Variants in ANO4 observed in about 807,000 individuals in gnomAD.
The protein encoded by ANO4 is anoctamin-4.
In ANO4, 69 loss-of-function variants were observed where a neutral mutation model predicts 141.9. That is an observed-to-expected ratio of 0.49 (90% CI 0.40 to 0.59). The LOEUF (loss-of-function observed/expected upper bound fraction) is 0.59. ANO4 is among the 20% of genes least tolerant of loss of function. ANO4 has a pLI of 0.00. For synonymous variants in ANO4, 350 were observed against 394.3 expected (o/e 0.89, Z 1.33); for missense variants, 894 against 1,162.2 (o/e 0.77, Z 3.36).
intron 1 of ANO4, among the ~76,000 whole-genome samples, chr12:100,808,496 A>T (rs2035199344): frequency 6.6e-6 from 1 of 152,152 alleles, no homozygotes; most frequent in Admixed American, 6.5e-5. Flanking sequence ...ATTTTTTATG[A>T]TACTGACCCA....
upstream of ANO4, among the ~76,000 whole-genome samples, chr12:100,790,422 T>A (rs188315330): frequency 3.1e-4 from 47 of 152,308 alleles, 1 homozygote; most frequent in Admixed American, 1.4e-3. Flanking sequence ...AAAGAAAGAA[T>A]TGGTTGCAGC....
At chr12:100,890,448 A>G (rs890756437) in intron 1 of ANO4, among the ~76,000 whole-genome samples, 1 of 152,218 alleles carries the variant, frequency 6.6e-6, no homozygotes, top group Non-Finnish European at 1.5e-5. Context: ...TCCTATTTTT[A>G]AGTAGTAAGA....
At chr12:101,082,875 A>C (rs1006842585) in intron 15 of ANO4, among the ~76,000 whole-genome samples, 3 of 152,160 alleles carry the variant, frequency 2.0e-5, no homozygotes, top group Non-Finnish European at 4.4e-5. Flanking sequence ...ATCCTCTCCC[A>C]ACACTCTCAA....
intron 23 of ANO4, 117 bp downstream of exon 23, chr12:101,110,673 A>G (rs2050628819): frequency 1.1e-6 from 1 of 912,942 alleles, no homozygotes; most frequent in Non-Finnish European, 1.5e-6. Flanking sequence ...AATTCACCTA[A>G]TTTTTGCAAA....
chr12:101,040,014 A>G lies in ANO4; in HGVS notation c.957A>G (p.Leu319=). 1.9e-6 allele frequency: 3 copies of G among 1,613,586 alleles called. No homozygotes were observed. Among genetic ancestry groups the G allele is most frequent in the Non-Finnish European group, 2.5e-6 (3 of 1,179,574 alleles). ...RTHGAENHRH[L]LYECWASWGV... Reference sequence around the variant, plus strand: ...ATGGAGCAGAAAACCACCGACATCTACTCTATGAGTGCTGGGCCTCCTGGG... The same window carrying G: ...ATGGAGCAGAAAACCACCGACATCTGCTCTATGAGTGCTGGGCCTCCTGGG... The change falls in exon 11 of 28, where the codon CTA becomes CTG. Residue 319 remains leucine (L), a synonymous_variant. Transcript: ENST00000392977.
chr12:100,942,941 TCCTCGTA>T (rs1227801058), intron 5 of ANO4, among the ~76,000 whole-genome samples: 16 of 152,206 alleles, frequency 1.1e-4, no homozygotes, highest in Admixed American at 9.8e-4. Flanking sequence ...AGCTTGGGCA[TCCTCGTA>T]CACCAGAGGA....
At chr12:101,127,124 G>T (rs2051353708) in intron 27 of ANO4, 50 bp downstream of exon 27, 3 of 1,534,976 alleles carry the variant, frequency 2.0e-6, no homozygotes, top group Non-Finnish European at 2.7e-6. Context: ...GGTTGAATGG[G>T]TGCTTTAAAC....
chr12:100,922,465 G>A lies in ANO4; in HGVS notation c.160+135G>A, dbSNP rs977695658. The A allele has an allele frequency of 6.2e-5, 37 of 599,010 alleles. No homozygotes were observed. In the African/African-American group the frequency reaches 6.4e-4, roughly 10 times the overall value. The allele number at this position is 599,010 out of a possible 1,614,324, so 37.1% of individuals were successfully genotyped here. On this transcript the variant is annotated intron_variant, in intron 3 of 27. Transcript: ENST00000392977. Reference sequence around the variant, plus strand: ...AAAATGATGTCTTGAAAGAGATACTGTGCAAAATAATTTTGAAACTAGAAG... The same window carrying A: ...AAAATGATGTCTTGAAAGAGATACTATGCAAAATAATTTTGAAACTAGAAG...
At chr12:100,824,869 A>C (rs2036248049) in intron 1 of ANO4, among the ~76,000 whole-genome samples, 1 of 152,090 alleles carries the variant, frequency 6.6e-6, no homozygotes, top group South Asian at 2.1e-4. Flanking sequence ...GCTATATTAA[A>C]AATGTTGAAA....
At chr12:100,902,014 G>A (rs1223567464) in intron 2 of ANO4, among the ~76,000 whole-genome samples, 174 bp downstream of exon 2, 1 of 152,194 alleles carries the variant, frequency 6.6e-6, no homozygotes, top group Non-Finnish European at 1.5e-5. Context: ...TCACCAAGAC[G>A]AATAAGAGGG....
intron 8 of ANO4, among the ~76,000 whole-genome samples, chr12:101,011,973 TAATATATGTAAAAAAAA>T (rs559681774): frequency 2.0e-5 from 3 of 151,008 alleles, no homozygotes; most frequent in African/African-American, 7.3e-5. Context: ...AGAAATTTCA[TAATATATGTAAAAAAAA>T]AATGGAAAAA....
intron 16 of ANO4, among the ~76,000 whole-genome samples, chr12:101,084,655 A>T (rs183536896): frequency 7.2e-5 from 11 of 152,058 alleles, no homozygotes; most frequent in Admixed American, 7.2e-4. Flanking sequence ...GCTTACCCAG[A>T]CTCCTTGGCT....
intron 4 of ANO4, 118 bp from the exon 5 acceptor site, chr12:100,942,259 A>T: frequency 8.5e-7 from 1 of 1,178,632 alleles, no homozygotes; most frequent in Non-Finnish European, 1.2e-6. Flanking sequence ...GATTACAGGC[A>T]TGAGCCACCG....
chr12:100,805,235 G>GT (rs985934374), intron 1 of ANO4, among the ~76,000 whole-genome samples: 29 of 152,194 alleles, frequency 1.9e-4, no homozygotes, highest in Middle Eastern at 6.8e-3. Flanking sequence ...TGTTTGTCAG[G>GT]TTTTTTCAAA....
intron 1 of ANO4, among the ~76,000 whole-genome samples, chr12:100,880,704 C>A (rs1395547128): frequency 2.0e-5 from 3 of 152,094 alleles, no homozygotes; most frequent in Non-Finnish European, 4.4e-5. Context: ...GTGAGGAGGG[C>A]AAGTTAAGGT....
chr12:100,943,418 G>A (rs558249104), intron 5 of ANO4, among the ~76,000 whole-genome samples: 65 of 152,254 alleles, frequency 4.3e-4, no homozygotes, highest in Admixed American at 3.1e-3. Flanking sequence ...GTTGCAGTTC[G>A]TACAACCTGC....
chr12:100,965,466 A>C (rs897375241), intron 5 of ANO4, among the ~76,000 whole-genome samples: 31 of 152,216 alleles, frequency 2.0e-4, no homozygotes, highest in Admixed American at 3.3e-4. Context: ...GCACTTTTGG[A>C]AACAAGTGAT....
Position 101,127,088 on chromosome 12 carries a change from G to A in ANO4, c.*4+14G>A, listed in dbSNP as rs201345847. ...GGCCGTGACCATGTAGGTGAGAGGT[G>A]TGCTCAGCGTCTGAGGCCATTCCGA... On this transcript the variant is annotated intron_variant, in intron 27 of 27. Transcript: ENST00000392977. The A allele has an allele frequency of 4.4e-5, 71 of 1,605,002 alleles. No individual in the cohort carries two copies. The highest frequency in any genetic ancestry group is 6.0e-5 in the Non-Finnish European group (70 of 1,175,058).
chr12:101,016,188 G>C (rs1036353099), intron 8 of ANO4, among the ~76,000 whole-genome samples: 1 of 152,158 alleles, frequency 6.6e-6, no homozygotes, highest in Non-Finnish European at 1.5e-5. Context: ...ATAAAGAAAC[G>C]AGGTCTATTT....
Sources: gnomAD v4.1 joint callset for allele counts (sites outside exome capture counted in the v4.1 genomes callset) on GRCh38, gnomAD v4.1.1 for gene constraint, MANE v1.5 for transcripts, NCBI Gene and HGNC (gene_info 2026-07-23, HGNC 2026-07-21) for gene names.